Variants in IKZF1 observed in about 807,000 individuals in gnomAD.
IKZF1 encodes the protein IKAROS family zinc finger 1.
A neutral mutation model predicts 51.7 loss-of-function variants in IKZF1; 10 were observed. The observed-to-expected ratio is 0.19, with a 90% CI of 0.12 to 0.33. The LOEUF (loss-of-function observed/expected upper bound fraction) is 0.33, where lower values mean the gene tolerates loss of function less well. IKZF1 is among the 10% of genes least tolerant of loss of function. The pLI is 1.00. For synonymous variants in IKZF1, 280 were observed against 282.3 expected (o/e 0.99, Z 0.08); for missense variants, 484 against 707.5 (o/e 0.68, Z 3.58).
At chr7:50,382,741 G>A (rs1403402391) in intron 5 of IKZF1, 34 bp downstream of exon 5, 1 of 1,577,786 alleles carries the variant, frequency 6.3e-7, no homozygotes. Context: ...GGGCTGTCTG[G>A]GTGTCCCGGG....
At chr7:50,363,636 T>G (rs558771469) in intron 3 of IKZF1, among the ~76,000 whole-genome samples, 1 of 152,328 alleles carries the variant, frequency 6.6e-6, no homozygotes, top group Admixed American at 6.5e-5. Flanking sequence ...GCATGTGCAG[T>G]CCATAGATGG....
chr7:50,396,673 C>T (rs1345718084), intron 7 of IKZF1, among the ~76,000 whole-genome samples: 1 of 152,158 alleles, frequency 6.6e-6, no homozygotes, highest in South Asian at 2.1e-4. Context: ...ACATTTCAGC[C>T]TTCTTCCCAC....
chr7:50,341,067 T>A (rs1798951176), intron 3 of IKZF1, among the ~76,000 whole-genome samples: 1 of 152,152 alleles, frequency 6.6e-6, no homozygotes, highest in Non-Finnish European at 1.5e-5. Flanking sequence ...TTATTATTGA[T>A]GGAGTCTCCT....
At chr7:50,380,858 AG>A (rs1169885725) in intron 4 of IKZF1, among the ~76,000 whole-genome samples, 1 of 152,252 alleles carries the variant, frequency 6.6e-6, no homozygotes, top group Non-Finnish European at 1.5e-5. Flanking sequence ...TAGCTGTTTT[AG>A]CCTCTTCATC....
In IKZF1 at chr7:50,341,976, GA is replaced by G. The variant is rs1303120762; in HGVS notation, c.160+14231del. Among the ~76,000 whole-genome samples the G allele has an allele frequency of 3.2e-3, 461 of 141,984 alleles. 2 individuals are homozygous for G. Among genetic ancestry groups the G allele is most frequent in the African/African-American group, 4.6e-3 (178 of 38,886 alleles). 93.1% of individuals were successfully genotyped at this position (141,984 alleles called of 152,430 possible). ...AAGAACTGTGTGTCATTATATTGTG[GA>G]AAAAAAAAAAACTTTTTAGATTAAC... On this transcript the variant is annotated intron_variant, in intron 3 of 7. Transcript: ENST00000331340.
At chr7:50,354,434 C>A (rs1478346260) in intron 3 of IKZF1, among the ~76,000 whole-genome samples, 2 of 152,184 alleles carry the variant, frequency 1.3e-5, no homozygotes, top group African/African-American at 4.8e-5. Flanking sequence ...ACAGGGCAGA[C>A]ATCAAGCAAG....
intron 3 of IKZF1, among the ~76,000 whole-genome samples, chr7:50,346,568 T>C (rs1448145852): frequency 6.6e-6 from 1 of 152,214 alleles, no homozygotes; most frequent in East Asian, 1.9e-4. Flanking sequence ...TTCTTGCTGG[T>C]CTCACTCTTC....
chr7:50,372,983 T>C (rs1809155851), intron 3 of IKZF1, among the ~76,000 whole-genome samples: 1 of 152,274 alleles, frequency 6.6e-6, no homozygotes, highest in Non-Finnish European at 1.5e-5. Flanking sequence ...AGTTCTCTTT[T>C]GGTTCTGTTA....
chr7:50,327,296 A>C (rs1157845810), intron 2 of IKZF1: 1 of 169,088 alleles, frequency 5.9e-6, no homozygotes, highest in Admixed American at 6.2e-5. Context: ...GAGCATGGAA[A>C]TATGTACATG....
rs141425511 is a variant in IKZF1, at chr7:50,379,399, G to A, written c.421+2606G>A. On this transcript the variant is annotated intron_variant, in intron 4 of 7. Coordinates refer to ENST00000331340, the MANE Select transcript of IKZF1 (RefSeq NM_006060.6). ...GTCTCGCCTCTGCCCATATCCCCAC[G>A]TTGGTGAAGTACCACTGGCGCCATT... 5.3e-3 allele frequency among the ~76,000 whole-genome samples: 805 copies of A among 152,310 alleles called. 10 individuals are homozygous for A. Among genetic ancestry groups the A allele is most frequent in the African/African-American group, 0.018 (768 of 41,564 alleles).
chr7:50,377,995 A>G (rs1174167774), intron 4 of IKZF1, among the ~76,000 whole-genome samples: 1 of 152,234 alleles, frequency 6.6e-6, no homozygotes, highest in Non-Finnish European at 1.5e-5. Context: ...AATGATGACG[A>G]TGACTTGAAA....
In IKZF1 at chr7:50,400,540, G is replaced by A. The variant is rs375847191; in HGVS notation, c.1473G>A (p.Glu491=). The change falls in exon 8 of 8, where the codon GAG becomes GAA. Residue 491 remains glutamate, a synonymous_variant. Coordinates refer to ENST00000331340, the MANE Select transcript of IKZF1 (RefSeq NM_006060.6). The surrounding 1 kb of genome is among the most constrained non-coding windows in gnomAD (Gnocchi z 5.4). ...MGCHGFRDPF[E]CNMCGYHSQD... ...GCCACGGCTTCCGTGATCCTTTTGA[G>A]TGCAACATGTGCGGCTACCACAGCC... 6.3e-5 allele frequency: 102 copies of A among 1,614,076 alleles called. No individual in the cohort carries two copies. The African/African-American group carries it at 1.2e-3, about 18-fold the overall frequency.
chr7:50,308,293 C>G (rs530188999), intron 1 of IKZF1, among the ~76,000 whole-genome samples: 15 of 152,190 alleles, frequency 9.9e-5, no homozygotes, highest in Admixed American at 2.0e-4. Flanking sequence ...GCAACTGAGG[C>G]CTAATCTACA....
At chr7:50,325,278 CA>C (rs71018469) in intron 2 of IKZF1, among the ~76,000 whole-genome samples, 41,485 of 93,524 alleles carry the variant, frequency 0.44, 8,864 homozygotes, top group Admixed American at 0.52. Flanking sequence ...CCGCTGCCAC[CA>C]AAAAAAAAAA....
chr7:50,398,979 A>C (rs1817413159), intron 7 of IKZF1, among the ~76,000 whole-genome samples: 1 of 152,240 alleles, frequency 6.6e-6, no homozygotes, highest in South Asian at 2.1e-4. Context: ...TAATTGAAGA[A>C]GCCAAATCTA....
intron 3 of IKZF1, among the ~76,000 whole-genome samples, chr7:50,330,682 A>G (rs1025397348): frequency 1.2e-4 from 18 of 152,242 alleles, no homozygotes; most frequent in Non-Finnish European, 2.4e-4. Context: ...TGAAGTATGT[A>G]GAGAACATTA....
intron 3 of IKZF1, among the ~76,000 whole-genome samples, chr7:50,370,427 A>G (rs1458890807): frequency 6.6e-6 from 1 of 152,224 alleles, no homozygotes; most frequent in Non-Finnish European, 1.5e-5. Context: ...TCCTCTTGGC[A>G]TCTGAGTTCC....
In IKZF1 at chr7:50,402,416, T is replaced by C. The variant is rs1256970435; in HGVS notation, c.*1789T>C. The stretch of plus-strand genomic sequence containing the variant: ...AGCAGTATCCCTGGTGGCTACCCAA[T>C]AGACGCCAGTAGCACCCCGAATTGA... On this transcript the variant is annotated 3_prime_UTR_variant, in exon 8 of 8. Coordinates refer to ENST00000331340, the MANE Select transcript of IKZF1 (RefSeq NM_006060.6). 2.2e-5 allele frequency: 5 copies of C among 230,652 alleles called. No individual in the cohort carries two copies. The highest frequency in any genetic ancestry group is 1.7e-5 in the Non-Finnish European group (2 of 116,436). The allele number at this position is 230,652 out of a possible 1,614,324, so 14.3% of individuals were successfully genotyped here.
intron 7 of IKZF1, among the ~76,000 whole-genome samples, chr7:50,399,239 A>G (rs566491879): frequency 6.6e-5 from 10 of 152,352 alleles, no homozygotes; most frequent in Admixed American, 6.5e-4. Context: ...CGGGCCTGCC[A>G]ACTACAGAGA....
Sources: allele counts gnomAD v4.1 joint callset (sites outside exome capture counted in the v4.1 genomes callset), GRCh38; gene constraint gnomAD v4.1.1; non-coding constraint Gnocchi (gnomAD v3.1); transcripts MANE v1.5; gene names NCBI Gene and HGNC (gene_info 2026-07-23, HGNC 2026-07-21).